The following HS3ST2 variants were observed in gnomAD, a reference collection of about 807,000 sequenced individuals.
HS3ST2 encodes heparan sulfate-glucosamine 3-sulfotransferase 2.
Under a neutral mutation model 26.3 loss-of-function variants are expected in HS3ST2, and 17 were observed. The observed-to-expected ratio is 0.65, with a 90% CI of 0.44 to 0.97. HS3ST2 has a LOEUF of 0.97. Ranked by LOEUF, HS3ST2 falls within the 50% of genes least tolerant of loss-of-function variation. The probability of loss-of-function intolerance (pLI) is 0.00; values close to 1 mark genes in which losing one functional copy is unlikely to be tolerated. For synonymous variants in HS3ST2, 237 were observed against 219.2 expected (o/e 1.08, Z -0.72); for missense variants, 402 against 501.2 (o/e 0.80, Z 1.89).
chr16:22,894,190 A>C (rs1037012224), intron 1 of HS3ST2, among the ~76,000 whole-genome samples: 2 of 152,064 alleles, frequency 1.3e-5, no homozygotes, highest in African/African-American at 4.8e-5. Flanking sequence ...GTTTCTCTTG[A>C]GAGGGCTCCT....
At chr16:22,830,030 C>A (rs1901145902) in intron 1 of HS3ST2, among the ~76,000 whole-genome samples, 1 of 152,154 alleles carries the variant, frequency 6.6e-6, no homozygotes, top group Non-Finnish European at 1.5e-5. Context: ...TTGGAGAAAC[C>A]CATTTGGTTA....
chr16:22,837,020 T>C (rs2141180366), intron 1 of HS3ST2, among the ~76,000 whole-genome samples: 1 of 152,256 alleles, frequency 6.6e-6, no homozygotes, highest in East Asian at 1.9e-4. Context: ...GTCATCTATG[T>C]GTGTGTGGCA....
chr16:22,840,792 C>T (rs562136971), intron 1 of HS3ST2, among the ~76,000 whole-genome samples: 35 of 152,258 alleles, frequency 2.3e-4, no homozygotes, highest in African/African-American at 7.0e-4. Flanking sequence ...TGACAGTCCA[C>T]GGAGGCACTC....
chr16:22,881,643 CT>C (rs1901992232), intron 1 of HS3ST2, among the ~76,000 whole-genome samples: 1 of 152,194 alleles, frequency 6.6e-6, no homozygotes, highest in South Asian at 2.1e-4. Context: ...ATCCTAACTT[CT>C]CAGCAAGGTG....
intron 1 of HS3ST2, among the ~76,000 whole-genome samples, chr16:22,822,717 T>C (rs529564206): frequency 6.6e-6 from 1 of 151,858 alleles, no homozygotes; most frequent in Admixed American, 6.5e-5. Context: ...TAGCTGGGCG[T>C]GGTGGCGTGC....
chr16:22,851,312 T>C (rs1901515240), intron 1 of HS3ST2, among the ~76,000 whole-genome samples: 1 of 152,242 alleles, frequency 6.6e-6, no homozygotes, highest in Non-Finnish European at 1.5e-5. Flanking sequence ...TTTATGTGCA[T>C]AATGTAATTT....
At chr16:22,872,919 G>A (rs1901857338) in intron 1 of HS3ST2, among the ~76,000 whole-genome samples, 1 of 152,168 alleles carries the variant, frequency 6.6e-6, no homozygotes, top group African/African-American at 2.4e-5. Flanking sequence ...CTGGCTGAAA[G>A]TGTAGGCTCT....
chr16:22,913,641 T>C (rs1902454222), intron 1 of HS3ST2, among the ~76,000 whole-genome samples: 1 of 152,250 alleles, frequency 6.6e-6, no homozygotes, highest in Non-Finnish European at 1.5e-5. Context: ...GTGGCTTACT[T>C]TGTAATTTTT....
At chr16:22,888,300 A>C (rs1902088019) in intron 1 of HS3ST2, among the ~76,000 whole-genome samples, 1 of 151,348 alleles carries the variant, frequency 6.6e-6, no homozygotes, top group Non-Finnish European at 1.5e-5. Context: ...CTGTGCTCTT[A>C]TGCCCACCTT....
chr16:22,870,212 A>G (rs572686224), intron 1 of HS3ST2, among the ~76,000 whole-genome samples: 10 of 152,210 alleles, frequency 6.6e-5, no homozygotes, highest in African/African-American at 2.2e-4. Flanking sequence ...TATCATACAC[A>G]AAACAGCATT....
At chr16:22,900,170 A>G (rs1055939782) in intron 1 of HS3ST2, among the ~76,000 whole-genome samples, 9 of 151,998 alleles carry the variant, frequency 5.9e-5, no homozygotes, top group African/African-American at 1.9e-4. Context: ...TATATGGGGG[A>G]AGGGGTAGGA....
chr16:22,828,793 G>A (rs1479427612), intron 1 of HS3ST2, among the ~76,000 whole-genome samples: 1 of 152,164 alleles, frequency 6.6e-6, no homozygotes, highest in African/African-American at 2.4e-5. Context: ...AAAGCTCTGT[G>A]GTGGCGCAGT....
intron 1 of HS3ST2, among the ~76,000 whole-genome samples, chr16:22,896,606 G>A (rs937680913): frequency 3.9e-5 from 6 of 152,058 alleles, no homozygotes; most frequent in African/African-American, 7.2e-5. Context: ...ATCAGGCTCC[G>A]GTTTGTTCTA....
intron 1 of HS3ST2, among the ~76,000 whole-genome samples, chr16:22,815,965 G>A (rs1596599758): frequency 6.6e-6 from 1 of 152,218 alleles, no homozygotes; most frequent in African/African-American, 2.4e-5. Flanking sequence ...GGTGCTAGGG[G>A]CAGCCAGTCA....
intron 1 of HS3ST2, among the ~76,000 whole-genome samples, chr16:22,839,809 A>G (rs776281641): frequency 8.5e-5 from 13 of 152,286 alleles, no homozygotes; most frequent in Admixed American, 3.3e-4. Context: ...CCAAATTTGT[A>G]AATACATATA....
intron 1 of HS3ST2, among the ~76,000 whole-genome samples, chr16:22,913,330 C>T (rs1902450953): frequency 6.6e-6 from 1 of 152,076 alleles, no homozygotes; most frequent in African/African-American, 2.4e-5. Flanking sequence ...GAATGAGATG[C>T]TCCTGGGAAA....
chr16:22,820,172 C>T lies in HS3ST2; in HGVS notation c.485+5077C>T, dbSNP rs149254564. On this transcript the variant is annotated intron_variant, in intron 1 of 1. Transcript: ENST00000261374. ...AATGAAACCATTGAGTCCATAAACC[C>T]CCCCCCATTTGTCTTGCAGCACTCT... Among the ~76,000 whole-genome samples the T allele has an allele frequency of 7.2e-4, 110 of 152,252 alleles. 1 individual carries two copies. The highest frequency in any genetic ancestry group is 2.5e-3 in the African/African-American group (102 of 41,522).
chr16:22,821,559 G>A (rs1328616409), intron 1 of HS3ST2, among the ~76,000 whole-genome samples: 1 of 151,976 alleles, frequency 6.6e-6, no homozygotes, highest in Non-Finnish European at 1.5e-5. Context: ...GCTTTGCGGG[G>A]TAGTGACTCA....
intron 1 of HS3ST2, among the ~76,000 whole-genome samples, chr16:22,828,670 A>G (rs1277321128): frequency 6.6e-6 from 1 of 152,224 alleles, no homozygotes; most frequent in Non-Finnish European, 1.5e-5. Flanking sequence ...CCTAGGATCA[A>G]TCCCCATTTT....
Sources: allele counts gnomAD v4.1 joint callset (sites outside exome capture counted in the v4.1 genomes callset), GRCh38; gene constraint gnomAD v4.1.1; transcripts MANE v1.5; gene names NCBI Gene and HGNC (gene_info 2026-07-23, HGNC 2026-07-21).